The following GLS variants were observed in gnomAD, a reference collection of about 807,000 sequenced individuals.
GLS encodes glutaminase, also known as glutaminase kidney isoform, mitochondrial.
GLS carries 36 observed loss-of-function variants against 86.7 expected under a neutral mutation model. The ratio of observed to expected loss-of-function variants is 0.42; its 90% CI spans 0.32 to 0.55. The LOEUF (loss-of-function observed/expected upper bound fraction) is 0.55, where lower values mean the gene tolerates loss of function less well. Ranked by LOEUF, GLS falls within the 20% of genes least tolerant of loss-of-function variation. The probability of loss-of-function intolerance (pLI) is 0.17; values close to 1 mark genes in which losing one functional copy is unlikely to be tolerated. For missense variants in GLS, 528 were observed against 833.4 expected (o/e 0.63, Z 4.51); for synonymous variants, 317 against 305.9 (o/e 1.04, Z -0.38).
Position 190,921,226 on chromosome 2 carries a change from T to A in GLS, c.1130+23T>A. ...AACGTGAGTGTTTTAAATACTGTTT[T>A]GTTACGTAAAAACACACAACTGTAT... On this transcript the variant is annotated intron_variant, in intron 9 of 17. Coordinates refer to ENST00000320717, the MANE Select transcript of GLS (RefSeq NM_014905.5). The surrounding 1 kb of genome is among the most constrained non-coding windows in gnomAD (Gnocchi z 4.2). 2 of 1,478,858 alleles carry A rather than the reference T, an allele frequency of 1.4e-6. No individual in the cohort carries two copies. The highest frequency in any genetic ancestry group is 1.9e-6 in the Non-Finnish European group (2 of 1,057,394). The allele number at this position is 1,478,858 out of a possible 1,614,324, so 91.6% of individuals were successfully genotyped here.
chr2:190,932,736 C>T (rs1574607257), intron 14 of GLS: 5 of 1,600,006 alleles, frequency 3.1e-6, no homozygotes, highest in Non-Finnish European at 4.3e-6. Context: ...GACCATTGGA[C>T]TATGAAAGTC....
chr2:190,920,447 A>G lies in GLS; in HGVS notation c.1039-577A>G, dbSNP rs1475544267. Among the ~76,000 whole-genome samples, 2 of 151,880 alleles carry G rather than the reference A, an allele frequency of 1.3e-5. No homozygotes were observed. The highest frequency in any genetic ancestry group is 6.6e-5 in the Admixed American group (1 of 15,262). Reference sequence around the variant, plus strand: ...ATATAATTTTTTTTAGTTCAAGTATATTATAGCAAGTGAGAGCTATTAAGA... The same window carrying G: ...ATATAATTTTTTTTAGTTCAAGTATGTTATAGCAAGTGAGAGCTATTAAGA... On this transcript the variant is annotated intron_variant, in intron 7 of 17. Coordinates refer to ENST00000320717, the MANE Select transcript of GLS (RefSeq NM_014905.5). The surrounding 1 kb of genome is among the most constrained non-coding windows in gnomAD (Gnocchi z 4.2).
In GLS at chr2:190,924,969, T is replaced by C. The variant is rs926217419; in HGVS notation, c.1248+376T>C. 1.3e-5 allele frequency among the ~76,000 whole-genome samples: 2 copies of C among 152,170 alleles called. No homozygotes were observed. Among genetic ancestry groups the C allele is most frequent in the Admixed American group, 6.6e-5 (1 of 15,264 alleles). Reference sequence around the variant, plus strand: ...CAAAATATAGATGTCTCAGAAATCTTGGTTCTAGGCCATGAGAAAATACAT... The same window carrying C: ...CAAAATATAGATGTCTCAGAAATCTCGGTTCTAGGCCATGAGAAAATACAT... On this transcript the variant is annotated intron_variant, in intron 11 of 17. Coordinates refer to ENST00000320717, the MANE Select transcript of GLS (RefSeq NM_014905.5). This position sits in a 1 kb window ranked among gnomAD's most constrained non-coding sequence, Gnocchi z 5.2.
At chr2:190,939,080 T>G (rs372056658) in intron 14 of GLS, among the ~76,000 whole-genome samples, 2 of 151,652 alleles carry the variant, frequency 1.3e-5, no homozygotes, top group South Asian at 2.1e-4. Flanking sequence ...AAGAAAAATT[T>G]GTTTTCTTTG....
rs1367519040 is a variant in GLS, at chr2:190,951,927, G to C, written c.1651-1638G>C. 1.3e-5 allele frequency among the ~76,000 whole-genome samples: 2 copies of C among 152,196 alleles called. No homozygotes were observed. The highest frequency in any genetic ancestry group is 4.8e-5 in the African/African-American group (2 of 41,446). On this transcript the variant is annotated intron_variant, in intron 14 of 17. Transcript: ENST00000320717. This position sits in a 1 kb window ranked among gnomAD's most constrained non-coding sequence, Gnocchi z 4.2. ...GAGACTTTAAACAAAATTATGGGCTGAGCATGTTGGCTCATGCCTGTAATC... is the reference window on the plus strand; with the variant it reads ...GAGACTTTAAACAAAATTATGGGCTCAGCATGTTGGCTCATGCCTGTAATC...
intron 14 of GLS, chr2:190,934,649 C>T (rs561505775): frequency 9.2e-6 from 9 of 982,924 alleles, no homozygotes; most frequent in East Asian, 2.3e-4. Flanking sequence ...CATTTCATTC[C>T]GAAGTTGGTT....
At chr2:190,950,206 G>A (rs193067745) in intron 14 of GLS, among the ~76,000 whole-genome samples, 9 of 152,200 alleles carry the variant, frequency 5.9e-5, no homozygotes, top group African/African-American at 1.9e-4. Flanking sequence ...TCTGAATGGA[G>A]TAGAGCTGGA....
In GLS at chr2:190,897,252, TGACCTCAGGTAATCCATCCG is replaced by T. The variant is rs768373017; in HGVS notation, c.605+1528_605+1547del. 2.6e-5 allele frequency among the ~76,000 whole-genome samples: 4 copies of T among 152,178 alleles called. No individual in the cohort carries two copies. The highest frequency in any genetic ancestry group is 5.9e-5 in the Non-Finnish European group (4 of 68,028). Reference sequence around the variant, plus strand: ...GTTGTCCAGGCTGGTCTCGAACTCCTGACCTCAGGTAATCCATCCGCCTCGGCCTCCTAAAGTTACACGGT... The same window carrying T: ...GTTGTCCAGGCTGGTCTCGAACTCCTCCTCGGCCTCCTAAAGTTACACGGT... On this transcript the variant is annotated intron_variant, in intron 3 of 17. Transcript: ENST00000320717. The surrounding 1 kb of genome is among the most constrained non-coding windows in gnomAD (Gnocchi z 4.3).
Position 190,921,840 on chromosome 2 carries a change from A to G in GLS, c.1130+637A>G, listed in dbSNP as rs1269732653. Among the ~76,000 whole-genome samples, 1 of 152,076 alleles carries G rather than the reference A, an allele frequency of 6.6e-6. No homozygotes were observed. Among genetic ancestry groups the G allele is most frequent in the Non-Finnish European group, 1.5e-5 (1 of 67,938 alleles). On this transcript the variant is annotated intron_variant, in intron 9 of 17. Transcript: ENST00000320717. The surrounding 1 kb of genome is among the most constrained non-coding windows in gnomAD (Gnocchi z 4.2). ...TTTTAAAATATCATGACATTAATCA[A>G]TATGTAAATGTCCCCATCTCTTCCC...
At chr2:190,940,548 T>G (rs1690395631) in intron 14 of GLS, among the ~76,000 whole-genome samples, 1 of 152,072 alleles carries the variant, frequency 6.6e-6, no homozygotes, top group South Asian at 2.1e-4. Flanking sequence ...ACGTACCCAC[T>G]TTAAGTTGCT....
Position 190,881,305 on chromosome 2 carries a change from G to C in GLS, c.221G>C (p.Ser74Thr). 6.7e-7 allele frequency: 1 copy of C among 1,495,178 alleles called. No homozygotes were observed. Among genetic ancestry groups the C allele is most frequent in the East Asian group, 2.9e-5 (1 of 34,842 alleles). 92.6% of individuals were successfully genotyped at this position (1,495,178 alleles called of 1,614,324 possible). ...GAGCCCCTCGCGCGGGGCCTGTCCA[G>C]CTCTCCTTCGGAGATCTTGCAGGAG... Reference protein sequence around the residue: ...PAEPLARGLSSSPSEILQELG... With the variant: ...PAEPLARGLSTSPSEILQELG... Residue 74 changes from serine to threonine, a missense_variant, in exon 1 of 18, where the codon AGC becomes ACC. Ser to Thr is a moderately conservative substitution (Grantham distance 58). Around this residue, in one of 4 missense-constraint regions of GLS, gnomAD observed 224 missense variants for 187.9 expected, o/e 1.19. Transcript: ENST00000320717.
At chr2:190,948,557 T>C (rs932170) in intron 14 of GLS, among the ~76,000 whole-genome samples, 1 of 152,132 alleles carries the variant, frequency 6.6e-6, no homozygotes, top group Non-Finnish European at 1.5e-5. Flanking sequence ...AGTTCTTATA[T>C]CCAGTCACTG....
At position 190,920,963 on chromosome 2, in the gene GLS, C is replaced by T. The variant is rs757178911; in HGVS notation, c.1039-61C>T. On this transcript the variant is annotated intron_variant, in intron 7 of 17. Transcript: ENST00000320717. This position sits in a 1 kb window ranked among gnomAD's most constrained non-coding sequence, Gnocchi z 4.2. ...AGTAGCTTTGAAATTTTGATATTGG[C>T]TTGAAACTTAACTGTAGTGGTACCT... 1.1e-6 allele frequency: 1 copy of T among 870,314 alleles called. No homozygotes were observed. 53.9% of individuals were successfully genotyped at this position (870,314 alleles called of 1,614,324 possible). A position where few individuals can be genotyped will look rare whatever the true frequency, so the allele number is the denominator to read the frequency against.
intron 14 of GLS, among the ~76,000 whole-genome samples, chr2:190,952,711 A>G (rs1262550813): frequency 6.6e-6 from 1 of 152,214 alleles, no homozygotes; most frequent in Non-Finnish European, 1.5e-5. Flanking sequence ...AGTCATCAAT[A>G]TGAATGTTGA....
intron 1 of GLS, among the ~76,000 whole-genome samples, chr2:190,893,447 T>C (rs1688629354): frequency 6.6e-6 from 1 of 152,222 alleles, no homozygotes. Context: ...CCAGAAATCA[T>C]ACTATGTTTT....
At chr2:190,945,851 A>G (rs529019505) in intron 14 of GLS, among the ~76,000 whole-genome samples, 6 of 152,186 alleles carry the variant, frequency 3.9e-5, no homozygotes, top group African/African-American at 9.6e-5. Context: ...ATTCCTCTCT[A>G]TTGAAATTAC....
At chr2:190,940,615 C>T (rs1690397419) in intron 14 of GLS, among the ~76,000 whole-genome samples, 1 of 152,030 alleles carries the variant, frequency 6.6e-6, no homozygotes. Flanking sequence ...TCAGATAACT[C>T]ATTGCTTTTA....
Position 190,963,547 on chromosome 2 carries a change from T to A in GLS, c.*561T>A, listed in dbSNP as rs1435621419. Reference sequence around the variant, plus strand: ...ACAACTGTTAGTAAGATAGACCAATTCTGATTAGACTTTATCAGGGAATCT... The same window carrying A: ...ACAACTGTTAGTAAGATAGACCAATACTGATTAGACTTTATCAGGGAATCT... On this transcript the variant is annotated 3_prime_UTR_variant, in exon 18 of 18. Coordinates refer to ENST00000320717, the MANE Select transcript of GLS (RefSeq NM_014905.5). 1 of 152,704 alleles carries A rather than the reference T, an allele frequency of 6.5e-6. No individual in the cohort carries two copies. Among genetic ancestry groups the A allele is most frequent in the Non-Finnish European group, 1.5e-5 (1 of 68,090 alleles). The allele number at this position is 152,704 out of a possible 1,614,324, so 9.5% of individuals were successfully genotyped here.
At chr2:190,899,741 C>T (rs765069746) in intron 3 of GLS, among the ~76,000 whole-genome samples, 34 of 152,032 alleles carry the variant, frequency 2.2e-4, no homozygotes, top group Non-Finnish European at 1.0e-4. Flanking sequence ...TTAAAGGCTA[C>T]GTTAATATAC....
Sources: allele counts gnomAD v4.1 joint callset (sites outside exome capture counted in the v4.1 genomes callset), GRCh38; gene constraint gnomAD v4.1.1; regional missense constraint gnomAD v4.1.1; non-coding constraint Gnocchi (gnomAD v3.1); transcripts MANE v1.5; gene names NCBI Gene and HGNC (gene_info 2026-07-23, HGNC 2026-07-21).